The following ZNRF3 variants were observed in gnomAD, a reference collection of about 807,000 sequenced individuals.
ZNRF3 encodes E3 ubiquitin-protein ligase ZNRF3.
In ZNRF3, 23 loss-of-function variants were observed where a neutral mutation model predicts 72.5. The ratio of observed to expected loss-of-function variants is 0.32; its 90% CI spans 0.23 to 0.45. The LOEUF (loss-of-function observed/expected upper bound fraction) is 0.45. Ranked by LOEUF, ZNRF3 falls within the 20% of genes least tolerant of loss-of-function variation. ZNRF3 has a pLI of 1.00. For missense variants in ZNRF3, 1,169 were observed against 1,272.1 expected, an observed-to-expected ratio of 0.92 and a Z score of 1.23; for synonymous variants, 610 against 545.3, an observed-to-expected ratio of 1.12 and a Z score of -1.65.
At chr22:29,016,732 T>C (rs2036444077) in intron 2 of ZNRF3, among the ~76,000 whole-genome samples, 1 of 152,200 alleles carries the variant, frequency 6.6e-6, no homozygotes, top group Non-Finnish European at 1.5e-5. Flanking sequence ...CTGGCTTCTG[T>C]TGGAGTGAGC....
intron 1 of ZNRF3, among the ~76,000 whole-genome samples, chr22:28,943,724 T>C (rs924837378): frequency 2.0e-5 from 3 of 152,286 alleles, no homozygotes; most frequent in Middle Eastern, 3.4e-3. Flanking sequence ...TCCAAGTGTT[T>C]GTGTGTTGGC....
intron 2 of ZNRF3, among the ~76,000 whole-genome samples, chr22:28,989,037 G>C (rs2035906801): frequency 6.6e-6 from 1 of 152,072 alleles, no homozygotes; most frequent in South Asian, 2.1e-4. Context: ...GTGATGCCAG[G>C]GGGAATAAAA....
chr22:28,950,682 T>C (rs58174942), intron 1 of ZNRF3, among the ~76,000 whole-genome samples: 2,177 of 152,336 alleles, frequency 0.014, 43 homozygotes, highest in African/African-American at 0.05. Context: ...GGATACTCCT[T>C]ATACTTAGAA....
chr22:28,948,724 TA>T (rs1219751082), intron 1 of ZNRF3, among the ~76,000 whole-genome samples: 1 of 152,216 alleles, frequency 6.6e-6, no homozygotes, highest in African/African-American at 2.4e-5. Context: ...ATACTATATC[TA>T]AACTGGACAA....
chr22:28,951,260 C>T (rs577508383), intron 1 of ZNRF3, among the ~76,000 whole-genome samples: 1 of 152,312 alleles, frequency 6.6e-6, no homozygotes, highest in Admixed American at 6.5e-5. Context: ...GAAACCCTAA[C>T]TCCCAGCACC....
At chr22:28,897,563 C>T (rs1451444235) in intron 1 of ZNRF3, among the ~76,000 whole-genome samples, 2 of 152,244 alleles carry the variant, frequency 1.3e-5, no homozygotes, top group Non-Finnish European at 2.9e-5. Flanking sequence ...TCAAGCAATC[C>T]ACCTGCCTCA....
intron 1 of ZNRF3, among the ~76,000 whole-genome samples, chr22:28,945,888 C>G (rs1433929106): frequency 6.6e-6 from 1 of 152,150 alleles, no homozygotes; most frequent in Non-Finnish European, 1.5e-5. Context: ...GAAATTCTAT[C>G]CACAATCTGT....
At position 28,915,282 on chromosome 22, in the gene ZNRF3, C is replaced by T. The variant is rs115888310; in HGVS notation, c.300+31216C>T. ...AAGTGATGGTTTTCCTATGTTTTCA[C>T]GTGGCCTTCCATCTGTAACTGTCTG... On this transcript the variant is annotated intron_variant, in intron 1 of 8. Coordinates refer to ENST00000544604, the MANE Select transcript of ZNRF3 (RefSeq NM_001206998.2). Among the ~76,000 whole-genome samples, 429 of 152,274 alleles carry T rather than the reference C, an allele frequency of 2.8e-3. 3 individuals carry two copies. The highest frequency in any genetic ancestry group is 9.6e-3 in the African/African-American group (400 of 41,558).
chr22:28,933,723 A>T (rs984746604), intron 1 of ZNRF3, among the ~76,000 whole-genome samples: 7 of 17,120 alleles, frequency 4.1e-4, no homozygotes, highest in Non-Finnish European at 5.4e-4. Flanking sequence ...CCCCCACCCC[A>T]CCCCCCCCAC....
At chr22:28,915,878 A>G (rs1011822951) in intron 1 of ZNRF3, among the ~76,000 whole-genome samples, 1 of 152,154 alleles carries the variant, frequency 6.6e-6, no homozygotes, top group African/African-American at 2.4e-5. Context: ...CCATGCATCC[A>G]GTGCTAACTT....
At chr22:28,979,313 C>T (rs914213675) in intron 1 of ZNRF3, among the ~76,000 whole-genome samples, 4 of 152,096 alleles carry the variant, frequency 2.6e-5, no homozygotes, top group Admixed American at 6.5e-5. Context: ...TGAGGTTGGA[C>T]GTGGATGGGA....
At chr22:28,971,429 C>A (rs1427853761) in intron 1 of ZNRF3, among the ~76,000 whole-genome samples, 1 of 152,106 alleles carries the variant, frequency 6.6e-6, no homozygotes, top group Non-Finnish European at 1.5e-5. Flanking sequence ...GGCTAAGAAC[C>A]AGGCCATGAA....
At chr22:28,964,506 G>A (rs1290703821) in intron 1 of ZNRF3, among the ~76,000 whole-genome samples, 1 of 152,204 alleles carries the variant, frequency 6.6e-6, no homozygotes, top group East Asian at 1.9e-4. Context: ...CAGAGGCCAT[G>A]CAGACAGAGG....
chr22:28,955,041 T>TTG (rs199626485), intron 1 of ZNRF3, among the ~76,000 whole-genome samples: 47 of 149,716 alleles, frequency 3.1e-4, no homozygotes, highest in African/African-American at 1.1e-3. Context: ...TGTTTTTTTT[T>TTG]TTTTGTTTTT....
chr22:29,043,904 G>C (rs118143974), intron 4 of ZNRF3, among the ~76,000 whole-genome samples: 25 of 152,322 alleles, frequency 1.6e-4, no homozygotes, highest in Non-Finnish European at 3.1e-4. Context: ...GGAAAAGTTA[G>C]CTTTCAACTG....
intron 2 of ZNRF3, among the ~76,000 whole-genome samples, chr22:28,993,334 T>C (rs1382345623): frequency 6.6e-6 from 1 of 152,156 alleles, no homozygotes; most frequent in Non-Finnish European, 1.5e-5. Flanking sequence ...TTTAAGCAAA[T>C]GTGAAATGTA....
intron 2 of ZNRF3, among the ~76,000 whole-genome samples, chr22:28,991,743 T>C (rs1319900455): frequency 6.6e-6 from 1 of 152,152 alleles, no homozygotes; most frequent in African/African-American, 2.4e-5. Flanking sequence ...TAACCTGAAA[T>C]TGAACAGCTT....
intron 1 of ZNRF3, among the ~76,000 whole-genome samples, chr22:28,887,291 A>G (rs1462697357): frequency 6.6e-6 from 1 of 151,532 alleles, no homozygotes; most frequent in Non-Finnish European, 1.5e-5. Flanking sequence ...TTTGTATAGT[A>G]GATACCTTAT....
intron 1 of ZNRF3, among the ~76,000 whole-genome samples, chr22:28,983,979 C>T (rs1376543876): frequency 6.6e-6 from 1 of 151,850 alleles, no homozygotes; most frequent in Non-Finnish European, 1.5e-5. Flanking sequence ...ACCCAGTTTC[C>T]TGAAGGGCTG....
Sources: allele counts gnomAD v4.1 joint callset (sites outside exome capture counted in the v4.1 genomes callset), GRCh38; gene constraint gnomAD v4.1.1; transcripts MANE v1.5; gene names NCBI Gene and HGNC (gene_info 2026-07-23, HGNC 2026-07-21).